CABIN1: variants seen among roughly 807,000 people sequenced by gnomAD.
The protein encoded by CABIN1 is calcineurin binding protein 1, also known as calcineurin-binding protein cabin-1.
Under a neutral mutation model 227.7 loss-of-function variants are expected in CABIN1, and 133 were observed. The observed-to-expected ratio is 0.58, with a 90% CI of 0.51 to 0.67. CABIN1 has a LOEUF of 0.67. Ranked by LOEUF, CABIN1 falls within the 30% of genes least tolerant of loss-of-function variation. The pLI, the probability that CABIN1 is intolerant of heterozygous loss-of-function variation, is 0.00. For missense variants in CABIN1, 2,408 were observed against 2,852.5 expected, an observed-to-expected ratio of 0.84 and a Z score of 3.55; for synonymous variants, 1,086 against 1,155.1, an observed-to-expected ratio of 0.94 and a Z score of 1.21.
intron 30 of CABIN1, 63 bp downstream of exon 30, chr22:24,164,626 A>C: frequency 6.4e-7 from 1 of 1,556,202 alleles, no homozygotes; most frequent in South Asian, 1.1e-5. Context: ...CACACACCCC[A>C]GGAAGCCTCT....
chr22:24,155,814 C>A, intron 29 of CABIN1: 1 of 415,784 alleles, frequency 2.4e-6, no homozygotes, highest in Non-Finnish European at 4.3e-6. Context: ...GGCCCCACAG[C>A]TTCCTGCAGT....
chr22:24,050,955 C>G lies in CABIN1; in HGVS notation c.787C>G (p.Gln263Glu). ...REKEPDLKLV[Q>E]PIPFFTWKCL... ...GAAGGAGCCGGACCTGAAACTTGTG[C>G]AGCCCATTCCTTTCTTCACGTAGGT... The change falls in exon 8 of 37, where the codon CAG becomes GAG. Residue 263 changes from glutamine to glutamate, a missense_variant. Physicochemically the swap from Gln to Glu is conservative, Grantham distance 29. Transcript: ENST00000263119. 6.2e-7 allele frequency: 1 copy of G among 1,614,208 alleles called. No homozygotes were observed. The highest frequency in any genetic ancestry group is 2.2e-5 in the East Asian group (1 of 44,892).
intron 29 of CABIN1, among the ~76,000 whole-genome samples, chr22:24,136,524 ATTTTTTTT>A (rs145864566): frequency 1.3e-4 from 9 of 69,878 alleles, no homozygotes; most frequent in Admixed American, 6.4e-4. Flanking sequence ...TAATTTTTGT[ATTTTTTTT>A]TTTTTTTTTT....
At position 24,119,519 on chromosome 22, in the gene CABIN1, G is replaced by T; in HGVS notation, c.4453G>T (p.Asp1485Tyr). ...PTLWDGKKRG[D>Y]LPGEPVAFPQ... is the part of the protein sequence containing the mutation. ...CCTGTGGGATGGGAAGAAGAGAGGGGACCTCCCAGGGGAGCCAGTGGCCTT... is the reference window on the plus strand; with the variant it reads ...CCTGTGGGATGGGAAGAAGAGAGGGTACCTCCCAGGGGAGCCAGTGGCCTT... The change falls in exon 28 of 37, where the codon GAC (aspartate) becomes TAC (tyrosine). Residue 1485 changes from aspartate to tyrosine, a missense_variant. By Grantham distance (160) the Asp-to-Tyr change is radical. Coordinates refer to ENST00000263119, the MANE Select transcript of CABIN1 (RefSeq NM_012295.4). 6.2e-7 allele frequency: 1 copy of T among 1,613,946 alleles called. No homozygotes were observed. Among genetic ancestry groups the T allele is most frequent in the Non-Finnish European group, 8.5e-7 (1 of 1,180,024 alleles).
intron 26 of CABIN1, among the ~76,000 whole-genome samples, chr22:24,103,936 G>T (rs954652417): frequency 3.3e-5 from 5 of 152,120 alleles, no homozygotes; most frequent in Non-Finnish European, 5.9e-5. Context: ...AAGTTCTGGG[G>T]TTTGGTGGGT....
chr22:24,119,456 G>C lies in CABIN1; in HGVS notation c.4390G>C (p.Ala1464Pro), dbSNP rs971753649. ...GCCTGCTGCAGAAACCCCAGCCTCT[G>C]CTTGCATCCCTGGCAAGCCCTCAGC... ...QKPAAETPAS[A>P]CIPGKPSAST... The change falls in exon 28 of 37, where the codon GCT becomes CCT. Residue 1464 changes from alanine to proline, a missense_variant. By Grantham distance (27) the Ala-to-Pro change is conservative. Around this residue, in one of 3 missense-constraint regions of CABIN1, gnomAD observed 649 missense variants for 910.3 expected, o/e 0.71. Transcript: ENST00000263119. 3 of 1,614,134 alleles carry C rather than the reference G, an allele frequency of 1.9e-6. No individual in the cohort carries two copies. Among genetic ancestry groups the C allele is most frequent in the African/African-American group, 2.7e-5 (2 of 75,064 alleles).
rs1485476615 is a variant in CABIN1 at position 24,166,721 on chromosome 22, A to T, written c.5090A>T (p.Glu1697Val). ...GATGTCTCACACAAGGCCAGTCCTGAGGATGGCCAGGAGGGCCTCCCCCAG... is the reference window on the plus strand; with the variant it reads ...GATGTCTCACACAAGGCCAGTCCTGTGGATGGCCAGGAGGGCCTCCCCCAG... ...TTDVSHKASP[E>V]DGQEGLPQPK... The change falls in exon 32 of 37, where the codon GAG becomes GTG. Residue 1697 changes from glutamate (E) to valine (V), a missense_variant. Physicochemically the swap from Glu to Val is moderately radical, Grantham distance 121. Coordinates refer to ENST00000263119, the MANE Select transcript of CABIN1 (RefSeq NM_012295.4). 1 of 1,612,804 alleles carries T rather than the reference A, an allele frequency of 6.2e-7. No homozygotes were observed. Among genetic ancestry groups the T allele is most frequent in the South Asian group, 1.1e-5 (1 of 91,086 alleles).
intron 2 of CABIN1, 51 bp downstream of exon 2, chr22:24,035,571 G>A (rs1474858118): frequency 8.1e-6 from 13 of 1,610,958 alleles, no homozygotes; most frequent in South Asian, 2.2e-5. Flanking sequence ...CTTTTGTTAC[G>A]TTACTCCTGG....
chr22:24,113,408 A>G (rs2147791474), intron 26 of CABIN1, among the ~76,000 whole-genome samples, 158 bp from the exon 27 acceptor site: 1 of 152,276 alleles, frequency 6.6e-6, no homozygotes, highest in African/African-American at 2.4e-5. Context: ...GGCCTCTGGG[A>G]TGGGTTGGGC....
intron 29 of CABIN1, among the ~76,000 whole-genome samples, chr22:24,146,516 G>A (rs1331324819): frequency 6.6e-6 from 1 of 152,172 alleles, no homozygotes; most frequent in African/African-American, 2.4e-5. Flanking sequence ...CTTCCTGCCT[G>A]AGAAGCTACA....
At position 24,072,777 on chromosome 22, in the gene CABIN1, T is replaced by C. The variant is rs576442179; in HGVS notation, c.2632+267T>C. Among the ~76,000 whole-genome samples the C allele has an allele frequency of 2.6e-5, 4 of 152,086 alleles. No individual in the cohort carries two copies. The East Asian group carries it at 7.7e-4, about 29-fold the overall frequency. ...GCAGCATGGAGGGAGTGACAAGAGG[T>C]GACTACTTATGACAAATGCTGACAC... On this transcript the variant is annotated intron_variant, in intron 18 of 36. Coordinates refer to ENST00000263119, the MANE Select transcript of CABIN1 (RefSeq NM_012295.4).
chr22:24,155,541 C>T (rs528272210), intron 29 of CABIN1, among the ~76,000 whole-genome samples: 26 of 152,200 alleles, frequency 1.7e-4, no homozygotes, highest in African/African-American at 6.3e-4. Flanking sequence ...TCTTTTTTGC[C>T]CTCCGCCCTG....
At chr22:24,045,167 G>A (rs1265714968) in intron 6 of CABIN1, among the ~76,000 whole-genome samples, 3 of 152,138 alleles carry the variant, frequency 2.0e-5, no homozygotes, top group African/African-American at 2.4e-5. Flanking sequence ...CTCGTGATCC[G>A]CCCGCCTTGG....
At chr22:24,146,599 G>A (rs2045134475) in intron 29 of CABIN1, among the ~76,000 whole-genome samples, 2 of 152,192 alleles carry the variant, frequency 1.3e-5, no homozygotes, top group Non-Finnish European at 2.9e-5. Context: ...AAGGCCACAG[G>A]TTACCCAGGC....
chr22:24,057,585 T>G (rs187075635), intron 10 of CABIN1, among the ~76,000 whole-genome samples: 140 of 152,378 alleles, frequency 9.2e-4, no homozygotes, highest in African/African-American at 3.2e-3. Context: ...GGAGTTAAAC[T>G]ATCTAGTTCT....
chr22:24,088,942 G>A lies in CABIN1; in HGVS notation c.3525+1229G>A, dbSNP rs576948909. Among the ~76,000 whole-genome samples the A allele has an allele frequency of 7.9e-5, 12 of 152,206 alleles. No homozygotes were observed. The East Asian group carries it at 2.3e-3, about 29-fold the overall frequency. On this transcript the variant is annotated intron_variant, in intron 23 of 36. Transcript: ENST00000263119. Reference sequence around the variant, plus strand: ...AACCCTATTTTATTGTAACTGTTCTGCACTAAAGTCCCTTGCGGGATTCTG... The same window carrying A: ...AACCCTATTTTATTGTAACTGTTCTACACTAAAGTCCCTTGCGGGATTCTG...
chr22:24,123,256 TTGCATTCCCA>T (rs67908003), intron 28 of CABIN1, among the ~76,000 whole-genome samples: 2,889 of 152,306 alleles, frequency 0.019, 36 homozygotes, highest in South Asian at 0.035. Context: ...TTTCTGTTCG[TTGCATTCCCA>T]GGCTGAGTTC....
At chr22:24,041,841 A>T (rs1337081503) in intron 5 of CABIN1, among the ~76,000 whole-genome samples, 1 of 152,206 alleles carries the variant, frequency 6.6e-6, no homozygotes, top group Non-Finnish European at 1.5e-5. Flanking sequence ...CACTTTAGTG[A>T]TGAGGAAATG....
At chr22:24,128,305 G>C (rs2043861765) in intron 28 of CABIN1, among the ~76,000 whole-genome samples, 1 of 141,562 alleles carries the variant, frequency 7.1e-6, no homozygotes, top group Non-Finnish European at 1.5e-5. Context: ...TCGGGGCGGG[G>C]GGAGGGTGGG....
Sources: gnomAD v4.1 joint callset for allele counts (sites outside exome capture counted in the v4.1 genomes callset) on GRCh38, gnomAD v4.1.1 for gene constraint, gnomAD v4.1.1 regional missense constraint, MANE v1.5 for transcripts, NCBI Gene and HGNC (gene_info 2026-07-23, HGNC 2026-07-21) for gene names.